The following MICU2 variants were observed in gnomAD, a reference collection of about 807,000 sequenced individuals.
MICU2 encodes mitochondrial calcium uptake 2, also known as calcium uptake protein 2, mitochondrial.
MICU2 carries 64 observed loss-of-function variants against 60.4 expected under a neutral mutation model. The observed-to-expected ratio is 1.06, with a 90% confidence interval of 0.87 to 1.31. MICU2 has a LOEUF of 1.31. MICU2 is among the 50% of genes most tolerant of loss of function. The pLI is 0.00. For synonymous variants in MICU2, 201 were observed against 175.0 expected (o/e 1.15, Z -1.17); for missense variants, 569 against 531.0 (o/e 1.07, Z -0.70).
chr13:21,544,641 C>A (rs778893000), intron 2 of MICU2, among the ~76,000 whole-genome samples: 1 of 151,800 alleles, frequency 6.6e-6, no homozygotes, highest in Non-Finnish European at 1.5e-5. Context: ...TAAACTCTTG[C>A]AAGGATGCAG....
At chr13:21,541,456 C>T (rs1261852137) in intron 2 of MICU2, among the ~76,000 whole-genome samples, 1 of 152,076 alleles carries the variant, frequency 6.6e-6, no homozygotes, top group African/African-American at 2.4e-5. Context: ...TCTATGGAGG[C>T]AGATTTCATA....
At chr13:21,518,234 A>G (rs1358077945) in intron 6 of MICU2, among the ~76,000 whole-genome samples, 1 of 152,248 alleles carries the variant, frequency 6.6e-6, no homozygotes, top group Non-Finnish European at 1.5e-5. Context: ...CAAATTCAGG[A>G]GTAGAGGCTG....
chr13:21,558,265 A>C (rs1485437675), intron 2 of MICU2, among the ~76,000 whole-genome samples: 1 of 152,148 alleles, frequency 6.6e-6, no homozygotes, highest in Non-Finnish European at 1.5e-5. Flanking sequence ...GGATGAGAGT[A>C]ATTTGGGCAG....
intron 1 of MICU2, among the ~76,000 whole-genome samples, chr13:21,586,577 T>C (rs79709206): frequency 0.011 from 1,626 of 152,198 alleles, 32 homozygotes; most frequent in African/African-American, 0.036. Flanking sequence ...CTGGCCATTT[T>C]TTTTTCTATT....
At chr13:21,532,846 G>A (rs1489852534) in intron 4 of MICU2, among the ~76,000 whole-genome samples, 2 of 152,152 alleles carry the variant, frequency 1.3e-5, no homozygotes, top group Non-Finnish European at 2.9e-5. Context: ...GAATGAATGA[G>A]AGGTGAGGAA....
chr13:21,523,464 T>C (rs1886775752), intron 4 of MICU2, among the ~76,000 whole-genome samples: 3 of 152,250 alleles, frequency 2.0e-5, no homozygotes, highest in African/African-American at 7.2e-5. Flanking sequence ...AACAAGAGAC[T>C]TGGGATATAC....
At chr13:21,529,588 A>C (rs1404431624) in intron 4 of MICU2, among the ~76,000 whole-genome samples, 1 of 152,242 alleles carries the variant, frequency 6.6e-6, no homozygotes, top group Non-Finnish European at 1.5e-5. Flanking sequence ...CCAATGACAG[A>C]GAGAGACTAG....
intron 9 of MICU2, among the ~76,000 whole-genome samples, chr13:21,502,045 G>A (rs1886185265): frequency 6.6e-6 from 1 of 152,156 alleles, no homozygotes. Context: ...ACTGAAGACA[G>A]AATTGCTGTA....
At chr13:21,495,617 CCTCCGTCTCCCGGGTT>C (rs1458231379) in intron 10 of MICU2, 1 of 266,700 alleles carries the variant, frequency 3.7e-6, no homozygotes, top group African/African-American at 2.2e-5. Context: ...CTCACTACAA[CCTCCGTCTCCCGGGTT>C]CAAGCGATTC....
chr13:21,525,493 T>C (rs1886829651), intron 4 of MICU2, among the ~76,000 whole-genome samples: 2 of 151,978 alleles, frequency 1.3e-5, no homozygotes, highest in South Asian at 4.2e-4. Context: ...GCCTGGCCAA[T>C]GCTGATTTAA....
At chr13:21,556,237 C>T (rs1224349067) in intron 2 of MICU2, among the ~76,000 whole-genome samples, 1 of 152,124 alleles carries the variant, frequency 6.6e-6, no homozygotes, top group Admixed American at 6.6e-5. Context: ...ATTCTTAGTC[C>T]TCATCTGACC....
chr13:21,562,814 C>T (rs981329514), intron 2 of MICU2, among the ~76,000 whole-genome samples: 2 of 152,126 alleles, frequency 1.3e-5, no homozygotes, highest in Non-Finnish European at 1.5e-5. Context: ...ATTTTATATT[C>T]ATGTATTCCT....
intron 8 of MICU2, 68 bp from the exon 9 acceptor site, chr13:21,503,165 C>T: frequency 8.6e-7 from 1 of 1,159,244 alleles, no homozygotes; most frequent in East Asian, 2.4e-5. Context: ...GTAAATGGGT[C>T]TGCAAAGTAC....
chr13:21,533,385 G>T (rs1273005957), intron 4 of MICU2, among the ~76,000 whole-genome samples: 3 of 149,552 alleles, frequency 2.0e-5, no homozygotes, highest in African/African-American at 7.4e-5. Context: ...GTGCAGTGGC[G>T]CAATCTCGGC....
intron 1 of MICU2, among the ~76,000 whole-genome samples, chr13:21,596,250 A>G (rs1888688802): frequency 6.6e-6 from 1 of 152,114 alleles, no homozygotes; most frequent in African/African-American, 2.4e-5. Flanking sequence ...GGGCTGAAAG[A>G]AGGGGAGATC....
rs1244489287 is a variant in MICU2 at position 21,517,799 on chromosome 13, A to ACACG, written c.598-3382_598-3381insCGTG. On this transcript the variant is annotated intron_variant, in intron 6 of 11. Coordinates refer to ENST00000382374, the MANE Select transcript of MICU2 (RefSeq NM_152726.3). ...CACACACACACACACACACACACAC[A>ACACG]CGCGCGCGCGCGCGCACACGCGCTA... 4.7e-3 allele frequency among the ~76,000 whole-genome samples: 639 copies of ACACG among 136,370 alleles called. 4 individuals carry two copies. Among genetic ancestry groups the ACACG allele is most frequent in the Middle Eastern group, 0.042 (11 of 264 alleles). 89.5% of individuals were successfully genotyped at this position (136,370 alleles called of 152,430 possible).
intron 9 of MICU2, among the ~76,000 whole-genome samples, chr13:21,497,092 G>A (rs990070565): frequency 1.3e-5 from 2 of 150,778 alleles, no homozygotes; most frequent in African/African-American, 2.4e-5. Context: ...ACAAACAAAC[G>A]GGCTGGGTGC....
chr13:21,519,920 G>A (rs569681108), intron 6 of MICU2, among the ~76,000 whole-genome samples: 9 of 152,138 alleles, frequency 5.9e-5, no homozygotes, highest in Non-Finnish European at 1.3e-4. Context: ...GATGAGTTTT[G>A]ACAAATTTAT....
chr13:21,558,288 C>T (rs1887758601), intron 2 of MICU2, among the ~76,000 whole-genome samples: 2 of 152,212 alleles, frequency 1.3e-5, no homozygotes, highest in Middle Eastern at 3.4e-3. Flanking sequence ...CTCTAGTTTC[C>T]GTTTTCTTGA....
Sources: gnomAD v4.1 joint callset for allele counts (sites outside exome capture counted in the v4.1 genomes callset) on GRCh38, gnomAD v4.1.1 for gene constraint, MANE v1.5 for transcripts, NCBI Gene and HGNC (gene_info 2026-07-23, HGNC 2026-07-21) for gene names.